Variants in CYB5R1 observed in about 807,000 individuals in gnomAD.
CYB5R1 encodes the protein cytochrome b5 reductase 1.
CYB5R1 carries 32 observed loss-of-function variants against 37.4 expected under a neutral mutation model. That is an observed-to-expected ratio of 0.86 (90% CI 0.65 to 1.15). The LOEUF (loss-of-function observed/expected upper bound fraction) is 1.15, where lower values mean the gene tolerates loss of function less well. Among genes scored for constraint, CYB5R1 ranks in the 50% most tolerant of loss-of-function variants. The pLI, the probability that CYB5R1 is intolerant of heterozygous loss-of-function variation, is 0.00. For missense variants in CYB5R1, 345 were observed against 382.5 expected, an observed-to-expected ratio of 0.90 and a Z score of 0.82; for synonymous variants, 159 against 155.2, an observed-to-expected ratio of 1.02 and a Z score of -0.18.
In CYB5R1 at chr1:202,964,633, C is replaced by T; in HGVS notation, c.538G>A (p.Gly180Arg). 1 of 1,613,542 alleles carries T rather than the reference C, an allele frequency of 6.2e-7. No homozygotes were observed. Among genetic ancestry groups the T allele is most frequent in the Non-Finnish European group, 8.5e-7 (1 of 1,179,616 alleles). Residue 180 changes from glycine (G) to arginine (R), a missense_variant, in exon 6 of 9, where the codon GGA (glycine) becomes AGA (arginine). Coordinates refer to ENST00000367249, the MANE Select transcript of CYB5R1 (RefSeq NM_016243.3). The part of the protein sequence containing the change: ...PPEPRVAKKL[G>R]MIAGGTGITP... ...GCACCTGTCCCGCCGGCAATCATTC[C>T]CAGTTTCTTCGCCACTCGGGGTTCT... is the stretch of plus-strand genomic sequence containing the variant.
At chr1:202,965,753 C>A in intron 4 of CYB5R1, 134 bp downstream of exon 4, 1 of 736,508 alleles carries the variant, frequency 1.4e-6, no homozygotes, top group South Asian at 1.9e-5. Context: ...CTGCCTCAGT[C>A]TCCTGAGTAG....
intron 8 of CYB5R1, 134 bp from the exon 9 acceptor site, chr1:202,962,833 T>C (rs906205809): frequency 4.2e-5 from 49 of 1,153,586 alleles, no homozygotes; most frequent in African/African-American, 9.2e-5. Flanking sequence ...TGGGAATGGG[T>C]ATACTCAGCC....
At chr1:202,964,400 ATTTG>A in intron 6 of CYB5R1, 2 of 578,544 alleles carry the variant, frequency 3.5e-6, no homozygotes, top group Non-Finnish European at 6.2e-6. Context: ...AGCTCATTTA[ATTTG>A]TTTCTCTAAT....
intron 5 of CYB5R1, chr1:202,964,918 G>C: frequency 3.6e-6 from 2 of 554,812 alleles, no homozygotes; most frequent in Non-Finnish European, 6.5e-6. Flanking sequence ...GCCACACAAT[G>C]TATCAGCTGC....
intron 3 of CYB5R1, 166 bp from the exon 4 acceptor site, chr1:202,966,159 A>G (rs1571578007): frequency 1.6e-6 from 1 of 614,432 alleles, no homozygotes; most frequent in East Asian, 2.8e-5. Flanking sequence ...TGGATCTCTT[A>G]TAAGCGCCCA....
Position 202,962,506 on chromosome 1 carries a change from A to C in CYB5R1, c.*21T>G. 1 of 1,591,010 alleles carries C rather than the reference A, an allele frequency of 6.3e-7. No homozygotes were observed. On this transcript the variant is annotated 3_prime_UTR_variant, in exon 9 of 9. Coordinates refer to ENST00000367249, the MANE Select transcript of CYB5R1 (RefSeq NM_016243.3). ...ATGGGGAACAACTGCAGCGAACAGC[A>C]CCAGGGAAGCTGGAGGATGCTCAGT...
rs1654995256 is a variant in CYB5R1, at chr1:202,961,931, A to C, written c.*596T>G. 6.6e-6 allele frequency: 1 copy of C among 152,274 alleles called. No individual in the cohort carries two copies. 9.4% of individuals were successfully genotyped at this position (152,274 alleles called of 1,614,324 possible). On this transcript the variant is annotated 3_prime_UTR_variant, in exon 9 of 9. Transcript: ENST00000367249. ...ATTTGCACAGCCAGGGGTTCCTGCC[A>C]CAAACAGCAGTTTTCGATTATCAGT...
intron 7 of CYB5R1, 169 bp from the exon 8 acceptor site, chr1:202,963,334 GGGGAACAGCCTTT>G: frequency 1.7e-6 from 1 of 589,656 alleles, no homozygotes; most frequent in East Asian, 2.8e-5. Context: ...GAGGAGAAGA[GGGGAACAGCCTTT>G]ATCTACACAT....
intron 7 of CYB5R1, 82 bp from the exon 8 acceptor site, chr1:202,963,247 T>A: frequency 2.1e-6 from 2 of 975,542 alleles, no homozygotes; most frequent in Non-Finnish European, 3.1e-6. Context: ...ACTTTCCAAC[T>A]AAGAAAAAGA....
intron 3 of CYB5R1, 122 bp downstream of exon 3, chr1:202,966,406 G>A: frequency 8.6e-7 from 1 of 1,162,888 alleles, no homozygotes; most frequent in Non-Finnish European, 1.3e-6. Flanking sequence ...GCAGAGCCAA[G>A]TGGGGGAAGG....
chr1:202,965,758 G>T, intron 4 of CYB5R1, 129 bp downstream of exon 4: 1 of 749,796 alleles, frequency 1.3e-6, no homozygotes, highest in South Asian at 1.8e-5. Context: ...TCAGTCTCCT[G>T]AGTAGCTCAT....
In CYB5R1 at chr1:202,964,658, T is replaced by C. The variant is rs1210059344; in HGVS notation, c.513A>G (p.Pro171=). ...FNIQPNKKSP[P]EPRVAKKLGM... ...CCAGTTTCTTCGCCACTCGGGGTTC[T>C]GGTGGAGATTTCTTGTTGGGCTGAA... is the stretch of plus-strand genomic sequence containing the variant. The change falls in exon 6 of 9, where the codon CCA becomes CCG. Residue 171 remains proline, a synonymous_variant. Transcript: ENST00000367249. 6.2e-7 allele frequency: 1 copy of C among 1,613,938 alleles called. No individual in the cohort carries two copies. The highest frequency in any genetic ancestry group is 1.1e-5 in the South Asian group (1 of 91,064).
Position 202,966,542 on chromosome 1 carries a change from A to G in CYB5R1, c.224T>C (p.Leu75Pro), listed in dbSNP as rs1263730854. 1.2e-6 allele frequency: 2 copies of G among 1,614,090 alleles called. No individual in the cohort carries two copies. Among genetic ancestry groups the G allele is most frequent in the African/African-American group, 1.3e-5 (1 of 74,932 alleles). The change falls in exon 3 of 9, where the codon CTG (leucine) becomes CCG (proline). Residue 75 changes from leucine (L) to proline (P), a missense_variant. Transcript: ENST00000367249. ...RFALPTAHHTLGLPVGKHIYL... is the reference protein window; with the variant it reads ...RFALPTAHHTPGLPVGKHIYL... ...ACTTTCCTTACCCACAGGCAGCCCC[A>G]GAGTGTGGTGGGCGGTGGGCAGGGC...
chr1:202,965,584 G>A, intron 4 of CYB5R1, 84 bp from the exon 5 acceptor site: 2 of 1,388,024 alleles, frequency 1.4e-6, no homozygotes, highest in Non-Finnish European at 1.9e-6. Context: ...CTGAGGCTGG[G>A]GCAGGGATCA....
Position 202,964,604 on chromosome 1 carries a change from T to C in CYB5R1, c.559+8A>G. 1 of 1,606,522 alleles carries C rather than the reference T, an allele frequency of 6.2e-7. No homozygotes were observed. The highest frequency in any genetic ancestry group is 8.5e-7 in the Non-Finnish European group (1 of 1,173,646). On this transcript the variant is annotated splice_region_variant and intron_variant, in intron 6 of 8. Coordinates refer to ENST00000367249, the MANE Select transcript of CYB5R1 (RefSeq NM_016243.3). ...TGGTGGGAGAGAAAGGCCCTCAGTGTAATGCACCTGTCCCGCCGGCAATCA... is the reference window on the plus strand; with the variant it reads ...TGGTGGGAGAGAAAGGCCCTCAGTGCAATGCACCTGTCCCGCCGGCAATCA...
chr1:202,965,403 C>T lies in CYB5R1; in HGVS notation c.443G>A (p.Gly148Glu). 1 of 1,602,022 alleles carries T rather than the reference C, an allele frequency of 6.2e-7. No individual in the cohort carries two copies. Among genetic ancestry groups the T allele is most frequent in the Non-Finnish European group, 8.5e-7 (1 of 1,174,342 alleles). Residue 148 changes from glycine (G) to glutamate (E), a missense_variant, in exon 5 of 9, where the codon GGG (glycine) becomes GAG (glutamate). Physicochemically the swap from Gly to Glu is moderately conservative, Grantham distance 98. Coordinates refer to ENST00000367249, the MANE Select transcript of CYB5R1 (RefSeq NM_016243.3). ...AGTGTAAGTGAGCAACCCGCTTGGC[C>T]CCCGAAACTCCACCACATCCCCAAC... ...LKVGDVVEFR[G>E]PSGLLTYTGK...
chr1:202,966,746 T>C lies in CYB5R1; in HGVS notation c.165+3A>G, dbSNP rs1445924703. ...CACCCTGGCCCTTTCTTCCCCAACT[T>C]ACCGTCTTGTCTAGCAGTCGTAGCA... On this transcript the variant is annotated splice_donor_region_variant and intron_variant, in intron 2 of 8. Coordinates refer to ENST00000367249, the MANE Select transcript of CYB5R1 (RefSeq NM_016243.3). 8 of 1,613,652 alleles carry C rather than the reference T, an allele frequency of 5.0e-6. No individual in the cohort carries two copies. The highest frequency in any genetic ancestry group is 1.3e-5 in the African/African-American group (1 of 74,922).
Position 202,965,959 on chromosome 1 carries a change from G to C in CYB5R1, c.273C>G (p.Gly91=). 4 of 1,613,988 alleles carry C rather than the reference G, an allele frequency of 2.5e-6. No homozygotes were observed. Among genetic ancestry groups the C allele is most frequent in the Non-Finnish European group, 3.4e-6 (4 of 1,179,850 alleles). ...KHIYLSTRID[G]SLVIRPYTPV... Reference sequence around the variant, plus strand: ...GAGTGTATGGCCTGATGACCAGGCTGCCATCAATTCGGGTGGAGAGGTAGA... The same window carrying C: ...GAGTGTATGGCCTGATGACCAGGCTCCCATCAATTCGGGTGGAGAGGTAGA... The change falls in exon 4 of 9, where the codon GGC becomes GGG. Residue 91 remains glycine, a synonymous_variant. Coordinates refer to ENST00000367249, the MANE Select transcript of CYB5R1 (RefSeq NM_016243.3).
intron 6 of CYB5R1, chr1:202,963,993 G>T (rs1333065720): frequency 8.8e-6 from 3 of 340,790 alleles, no homozygotes; most frequent in East Asian, 1.0e-4. Flanking sequence ...TGGAGGCTAG[G>T]ACTCCAGTGT....
Sources: gnomAD v4.1 joint callset for allele counts on GRCh38, gnomAD v4.1.1 for gene constraint, MANE v1.5 for transcripts, NCBI Gene and HGNC (gene_info 2026-07-23, HGNC 2026-07-21) for gene names.